Variants in NFIB observed in about 807,000 individuals in gnomAD.
The protein encoded by NFIB is nuclear factor 1 B-type.
In NFIB, 11 loss-of-function variants were observed where a neutral mutation model predicts 61.5. The ratio of observed to expected loss-of-function variants is 0.18; its 90% CI spans 0.11 to 0.30. The LOEUF is 0.30. NFIB is among the 10% of genes least tolerant of loss of function. The pLI is 1.00. For missense variants in NFIB, 471 were observed against 608.9 expected (o/e 0.77, Z 2.38); for synonymous variants, 260 against 216.5 (o/e 1.20, Z -1.76).
chr9:14,470,445 T>C, the NFIB span, among the ~76,000 whole-genome samples: 1 of 152,144 alleles, frequency 6.6e-6, no homozygotes, highest in Admixed American at 6.5e-5. Context: ...TGTTCCTTGG[T>C]TTGCCCCCCT....
At chr9:14,450,899 G>C in the NFIB span, among the ~76,000 whole-genome samples, 1 of 152,218 alleles carries the variant, frequency 6.6e-6, no homozygotes, top group Non-Finnish European at 1.5e-5. Context: ...CCCAGTGCCA[G>C]CCGTGTGATT....
chr9:14,128,276 G>A (rs2039945554), intron 6 of NFIB, among the ~76,000 whole-genome samples: 1 of 151,872 alleles, frequency 6.6e-6, no homozygotes, highest in African/African-American at 2.4e-5. Context: ...AAAGAAACTG[G>A]GAACTTTTTA....
At chr9:14,315,763 C>G (rs563929092), upstream of NFIB, among the ~76,000 whole-genome samples, 2 of 151,974 alleles carry the variant, frequency 1.3e-5, no homozygotes, top group East Asian at 3.9e-4. Context: ...ACACCGCCCC[C>G]CAAATCCAGT....
chr9:14,247,610 C>G (rs1220089965), intron 2 of NFIB, among the ~76,000 whole-genome samples: 1 of 152,238 alleles, frequency 6.6e-6, no homozygotes, highest in Non-Finnish European at 1.5e-5. Flanking sequence ...ACCGCCACCA[C>G]TGACTAGCTG....
intron 2 of NFIB, among the ~76,000 whole-genome samples, chr9:14,223,257 T>C (rs1353583964): frequency 1.3e-5 from 2 of 152,204 alleles, no homozygotes; most frequent in Non-Finnish European, 2.9e-5. Flanking sequence ...CAGAAATCTA[T>C]AGCAGGGGCA....
chr9:14,348,770 G>A (rs2061066948), intron 1 of NFIB, among the ~76,000 whole-genome samples: 1 of 152,238 alleles, frequency 6.6e-6, no homozygotes, highest in Non-Finnish European at 1.5e-5. Context: ...CCGCGCCTCT[G>A]CTCGCTCTTT....
chr9:14,246,834 C>T (rs900798988), intron 2 of NFIB, among the ~76,000 whole-genome samples: 1 of 152,152 alleles, frequency 6.6e-6, no homozygotes, highest in African/African-American at 2.4e-5. Flanking sequence ...GCTGAAGACC[C>T]AATCCCCAGT....
At chr9:14,405,553 C>T in the NFIB span, among the ~76,000 whole-genome samples, 5 of 152,152 alleles carry the variant, frequency 3.3e-5, no homozygotes, top group African/African-American at 1.2e-4. Context: ...AGGCCAAGTG[C>T]ATGCTGATTC....
intron 1 of NFIB, among the ~76,000 whole-genome samples, chr9:14,383,915 G>A (rs2061519262): frequency 1.3e-5 from 2 of 152,328 alleles, no homozygotes; most frequent in Middle Eastern, 6.8e-3. Flanking sequence ...ATGGAAGAGC[G>A]CTTTAAATAC....
chr9:14,458,323 A>G, the NFIB span, among the ~76,000 whole-genome samples: 1 of 152,246 alleles, frequency 6.6e-6, no homozygotes, highest in African/African-American at 2.4e-5. Flanking sequence ...ACTGCCCTTC[A>G]TGCTAAAAAC....
At chr9:14,098,049 A>G (rs147496209) in intron 10 of NFIB, among the ~76,000 whole-genome samples, 2 of 152,176 alleles carry the variant, frequency 1.3e-5, no homozygotes, top group African/African-American at 4.8e-5. Context: ...TTCAACCCAC[A>G]GAAAGGAACT....
At chr9:14,202,128 TCACACACACACACACA>T (rs3080833) in intron 2 of NFIB, among the ~76,000 whole-genome samples, 1 of 147,078 alleles carries the variant, frequency 6.8e-6, no homozygotes, top group Non-Finnish European at 1.5e-5. Context: ...TTGATACTTT[TCACACACACACACACA>T]CACACACACA....
At chr9:14,463,753 C>T in the NFIB span, among the ~76,000 whole-genome samples, 4 of 151,230 alleles carry the variant, frequency 2.6e-5, no homozygotes, top group Non-Finnish European at 4.4e-5. Flanking sequence ...CTCCGCCTCC[C>T]GGGTTCACGC....
intron 3 of NFIB, among the ~76,000 whole-genome samples, chr9:14,169,339 A>G (rs2045302380): frequency 6.6e-6 from 1 of 152,168 alleles, no homozygotes; most frequent in Admixed American, 6.5e-5. Context: ...AGGGGAAGAT[A>G]TGTCTAGTGG....
At chr9:14,268,915 A>T (rs1402708833) in intron 2 of NFIB, among the ~76,000 whole-genome samples, 1 of 152,198 alleles carries the variant, frequency 6.6e-6, no homozygotes, top group Non-Finnish European at 1.5e-5. Context: ...TTTCAATTGT[A>T]AACAGTTGAA....
intron 10 of NFIB, among the ~76,000 whole-genome samples, chr9:14,094,006 A>T (rs1449787414): frequency 6.6e-6 from 1 of 152,122 alleles, no homozygotes; most frequent in Non-Finnish European, 1.5e-5. Flanking sequence ...TTTAATCCTC[A>T]TAACAAATCT....
intron 7 of NFIB, among the ~76,000 whole-genome samples, chr9:14,124,065 T>G (rs79552379): frequency 0.014 from 2,149 of 152,234 alleles, 52 homozygotes; most frequent in African/African-American, 0.049. Context: ...CCTGAACTCT[T>G]TAAGGACAGA....
chr9:14,227,342 C>T (rs912966248), intron 2 of NFIB, among the ~76,000 whole-genome samples: 14 of 152,054 alleles, frequency 9.2e-5, no homozygotes, highest in African/African-American at 3.4e-4. Flanking sequence ...AGAGCCTGTG[C>T]TTTTCATTTC....
chr9:14,452,540 G>C, the NFIB span, among the ~76,000 whole-genome samples: 1 of 151,004 alleles, frequency 6.6e-6, no homozygotes, highest in Non-Finnish European at 1.5e-5. Flanking sequence ...TGCTTTTGAA[G>C]TTAGGTAATG....
Sources: allele counts gnomAD v4.1 joint callset (sites outside exome capture counted in the v4.1 genomes callset), GRCh38; gene constraint gnomAD v4.1.1; transcripts MANE v1.5; gene names NCBI Gene and HGNC (gene_info 2026-07-23, HGNC 2026-07-21).